FSTL5: variants seen among roughly 807,000 people sequenced by gnomAD.
FSTL5 encodes the protein follistatin-related protein 5.
Under a neutral mutation model 89.1 loss-of-function variants are expected in FSTL5, and 62 were observed. The ratio of observed to expected loss-of-function variants is 0.70; its 90% confidence interval spans 0.57 to 0.86. The LOEUF (loss-of-function observed/expected upper bound fraction) is 0.86. Among genes scored for constraint, FSTL5 ranks in the 40% least tolerant of loss-of-function variants. The pLI is 0.00. For synonymous variants in FSTL5, 383 were observed against 346.2 expected, an observed-to-expected ratio of 1.11 and a Z score of -1.18; for missense variants, 1,057 against 1,001.6, an observed-to-expected ratio of 1.06 and a Z score of -0.75.
At chr4:161,834,559 T>A (rs1019012407) in intron 4 of FSTL5, among the ~76,000 whole-genome samples, 1 of 152,222 alleles carries the variant, frequency 6.6e-6, no homozygotes, top group African/African-American at 2.4e-5. Context: ...AACCCCATTG[T>A]CTTAGCCCAA....
At chr4:161,530,937 A>C (rs1731390577) in intron 10 of FSTL5, among the ~76,000 whole-genome samples, 1 of 152,168 alleles carries the variant, frequency 6.6e-6, no homozygotes, top group Non-Finnish European at 1.5e-5. Flanking sequence ...ACGTTTTCAA[A>C]TAAATAATGT....
chr4:161,572,942 C>T (rs116471386), intron 8 of FSTL5, among the ~76,000 whole-genome samples: 149 of 152,172 alleles, frequency 9.8e-4, no homozygotes, highest in Middle Eastern at 3.4e-3. Context: ...AAAAGTGATA[C>T]GGTGGCTTGA....
chr4:162,154,041 G>A lies in FSTL5; in HGVS notation c.-17+9574C>T, dbSNP rs778023442. 3.3e-5 allele frequency among the ~76,000 whole-genome samples: 5 copies of A among 151,534 alleles called. No homozygotes were observed. The South Asian group carries it at 6.2e-4, about 19-fold the overall frequency. ...AGGCTGGTCTTGAACTCCTGATCTCGGGTGATCCACTCGCTTCGGCCTCCC... is the reference window on the plus strand; with the variant it reads ...AGGCTGGTCTTGAACTCCTGATCTCAGGTGATCCACTCGCTTCGGCCTCCC... On this transcript the variant is annotated intron_variant, in intron 1 of 15. Transcript: ENST00000306100.
At chr4:161,433,459 A>G (rs539085039) in intron 15 of FSTL5, among the ~76,000 whole-genome samples, 2 of 152,216 alleles carry the variant, frequency 1.3e-5, no homozygotes, top group South Asian at 4.1e-4. Context: ...CATCACACTG[A>G]GTGGGGAAAC....
At chr4:161,803,807 T>C (rs745624062) in intron 4 of FSTL5, among the ~76,000 whole-genome samples, 92 of 152,052 alleles carry the variant, frequency 6.1e-4, no homozygotes, top group Non-Finnish European at 1.2e-3. Flanking sequence ...TATTATCTGA[T>C]AGTTTCTCAA....
At chr4:161,814,287 AG>A (rs1438000579) in intron 4 of FSTL5, among the ~76,000 whole-genome samples, 1 of 152,152 alleles carries the variant, frequency 6.6e-6, no homozygotes, top group Non-Finnish European at 1.5e-5. Context: ...CTTGGGTCTC[AG>A]GTCAAGTTAG....
intron 7 of FSTL5, among the ~76,000 whole-genome samples, chr4:161,603,095 G>A (rs1211891267): frequency 1.3e-5 from 2 of 152,112 alleles, no homozygotes; most frequent in Non-Finnish European, 2.9e-5. Flanking sequence ...GGAAGTATTT[G>A]AGGGTACAGA....
intron 4 of FSTL5, among the ~76,000 whole-genome samples, chr4:161,841,150 C>A (rs1731199844): frequency 6.6e-6 from 1 of 152,146 alleles, no homozygotes; most frequent in Admixed American, 6.6e-5. Context: ...TCTGTTCACA[C>A]TTCTATAAAC....
At chr4:161,587,196 A>C (rs1280021296) in intron 8 of FSTL5, among the ~76,000 whole-genome samples, 1 of 151,984 alleles carries the variant, frequency 6.6e-6, no homozygotes, top group African/African-American at 2.4e-5. Context: ...AAATAATGTA[A>C]ATTTCTTGTG....
intron 15 of FSTL5, among the ~76,000 whole-genome samples, chr4:161,447,953 G>A (rs996450289): frequency 1.3e-5 from 2 of 152,130 alleles, no homozygotes; most frequent in Middle Eastern, 3.4e-3. Flanking sequence ...GGAATCTAAC[G>A]ATCCCATGAG....
chr4:162,070,519 A>T lies in FSTL5; in HGVS notation c.127-36861T>A, dbSNP rs554639098. Among the ~76,000 whole-genome samples the T allele has an allele frequency of 3.3e-3, 507 of 151,844 alleles. 3 individuals are homozygous for T. Among genetic ancestry groups the T allele is most frequent in the African/African-American group, 0.012 (491 of 41,478 alleles). On this transcript the variant is annotated intron_variant, in intron 2 of 15. Transcript: ENST00000306100. ...TAAGTGTTTAATTCATTTTGAGTTG[A>T]TTTTTGAATATTGTGGGATATAGGA...
At chr4:161,557,036 G>A (rs975211724) in intron 8 of FSTL5, among the ~76,000 whole-genome samples, 1 of 151,228 alleles carries the variant, frequency 6.6e-6, no homozygotes, top group African/African-American at 2.4e-5. Context: ...GTACTTGGAA[G>A]TTCTCATGTA....
intron 4 of FSTL5, among the ~76,000 whole-genome samples, chr4:161,835,312 T>A (rs1012907100): frequency 1.3e-5 from 2 of 152,066 alleles, no homozygotes; most frequent in African/African-American, 4.8e-5. Context: ...TCAAGATGGA[T>A]TAAAGACTTA....
chr4:161,855,025 CTTT>C, intron 4 of FSTL5, among the ~76,000 whole-genome samples: 1 of 112,402 alleles, frequency 8.9e-6, no homozygotes, highest in East Asian at 2.6e-4. Flanking sequence ...TTTTTTTTTG[CTTT>C]CTAGCCTTGT....
At chr4:161,708,659 C>A (rs975772302) in intron 6 of FSTL5, among the ~76,000 whole-genome samples, 4 of 152,082 alleles carry the variant, frequency 2.6e-5, no homozygotes, top group Admixed American at 2.6e-4. Flanking sequence ...ATCTTTCCCT[C>A]CTTTCCATGA....
At chr4:161,754,773 A>G (rs528950954) in intron 6 of FSTL5, among the ~76,000 whole-genome samples, 2 of 152,290 alleles carry the variant, frequency 1.3e-5, no homozygotes, top group South Asian at 2.1e-4. Flanking sequence ...AAATGCCTCA[A>G]TTAGTGTATG....
chr4:161,887,276 T>C (rs571811571), intron 4 of FSTL5, among the ~76,000 whole-genome samples: 2 of 152,166 alleles, frequency 1.3e-5, no homozygotes, highest in Admixed American at 6.5e-5. Context: ...AGTGTTGCTA[T>C]ATCCACTACT....
rs565787028 is a variant in FSTL5 at position 161,726,463 on chromosome 4, A to T, written c.727+32948T>A. On this transcript the variant is annotated intron_variant, in intron 6 of 15. Transcript: ENST00000306100. ...GGCTGGTCTGGAACTCCTGACCTCA[A>T]GTGGTCCGCCCACCTCGGCCTCCCA... 2.0e-3 allele frequency among the ~76,000 whole-genome samples: 310 copies of T among 151,878 alleles called. 1 individual carries two copies. The highest frequency in any genetic ancestry group is 2.3e-3 in the Non-Finnish European group (158 of 67,924).
intron 1 of FSTL5, among the ~76,000 whole-genome samples, chr4:162,134,174 ATCTCT>A (rs1732426686): frequency 6.6e-6 from 1 of 152,034 alleles, no homozygotes; most frequent in Admixed American, 6.6e-5. Flanking sequence ...TTTCACCTCC[ATCTCT>A]GGGCTATTGC....
Sources: allele counts gnomAD v4.1 joint callset (sites outside exome capture counted in the v4.1 genomes callset), GRCh38; gene constraint gnomAD v4.1.1; transcripts MANE v1.5; gene names NCBI Gene and HGNC (gene_info 2026-07-23, HGNC 2026-07-21).